ZYG11B: variants seen among roughly 807,000 people sequenced by gnomAD.
ZYG11B encodes protein zyg-11 homolog B.
Under a neutral mutation model 82.4 loss-of-function variants are expected in ZYG11B, and 36 were observed. The observed-to-expected ratio is 0.44, with a 90% CI of 0.33 to 0.58. ZYG11B has a LOEUF of 0.58. ZYG11B is among the 20% of genes least tolerant of loss of function. The pLI, the probability that ZYG11B is intolerant of heterozygous loss-of-function variation, is 0.02. For synonymous variants in ZYG11B, 303 were observed against 312.8 expected (o/e 0.97, Z 0.33); for missense variants, 552 against 895.6 (o/e 0.62, Z 4.90).
chr1:52,756,850 C>G (rs1184509148), intron 2 of ZYG11B, among the ~76,000 whole-genome samples: 1 of 143,226 alleles, frequency 7.0e-6, no homozygotes, highest in East Asian at 2.0e-4. Flanking sequence ...CAGGGTCTCA[C>G]TCTGTTACCC....
At chr1:52,777,127 T>C (rs1644816970) in intron 3 of ZYG11B, among the ~76,000 whole-genome samples, 1 of 152,096 alleles carries the variant, frequency 6.6e-6, no homozygotes, top group Non-Finnish European at 1.5e-5. Flanking sequence ...TGACAATTGC[T>C]TGAACCCGGG....
At chr1:52,806,182 G>A (rs1345851559) in intron 10 of ZYG11B, among the ~76,000 whole-genome samples, 1 of 152,122 alleles carries the variant, frequency 6.6e-6, no homozygotes, top group Non-Finnish European at 1.5e-5. Flanking sequence ...GAATGGCCAA[G>A]GATATGGTCT....
intron 1 of ZYG11B, among the ~76,000 whole-genome samples, chr1:52,750,274 T>C (rs969884820): frequency 1.4e-4 from 4 of 28,218 alleles, no homozygotes; most frequent in Non-Finnish European, 2.0e-4. Flanking sequence ...CCAGCAACTA[T>C]TTTTTTTTTT....
intron 1 of ZYG11B, among the ~76,000 whole-genome samples, chr1:52,741,276 GCAAAAGAGTGAGACTTCGTCT>G (rs1291581992): frequency 2.4e-5 from 3 of 124,438 alleles, no homozygotes; most frequent in Non-Finnish European, 4.7e-5. Context: ...CCAGCCTGGG[GCAAAAGAGTGAGACTTCGTCT>G]CAAAAAAAAA....
intron 2 of ZYG11B, among the ~76,000 whole-genome samples, chr1:52,757,397 C>T (rs769932344): frequency 5.3e-5 from 8 of 151,512 alleles, no homozygotes; most frequent in Admixed American, 2.6e-4. Context: ...TACATCGGGC[C>T]GGGCGTGGTG....
In ZYG11B at chr1:52,756,726, A is replaced by G. The variant is rs973734898; in HGVS notation, c.196+103A>G. ...AATTATTTTCTTAGAAATAACTGAG[A>G]AGGCCAAATGAGCCTGATTCCAGGA... is the stretch of plus-strand genomic sequence containing the variant. On this transcript the variant is annotated intron_variant, in intron 2 of 13. Coordinates refer to ENST00000294353, the MANE Select transcript of ZYG11B (RefSeq NM_024646.3). 4 of 1,139,148 alleles carry G rather than the reference A, an allele frequency of 3.5e-6. No homozygotes were observed. In the African/African-American group the frequency reaches 4.7e-5, roughly 13 times the overall value. 70.6% of individuals were successfully genotyped at this position (1,139,148 alleles called of 1,614,324 possible). A position where few individuals can be genotyped will look rare whatever the true frequency, so the allele number is the denominator to read the frequency against.
intron 1 of ZYG11B, among the ~76,000 whole-genome samples, chr1:52,730,385 G>A (rs1172721179): frequency 3.9e-5 from 6 of 151,930 alleles, no homozygotes; most frequent in East Asian, 3.9e-4. Context: ...GGAGTGCAGC[G>A]GCGTGATTAC....
intron 4 of ZYG11B, among the ~76,000 whole-genome samples, chr1:52,783,051 C>T (rs1200404539): frequency 3.9e-5 from 6 of 151,900 alleles, no homozygotes; most frequent in Non-Finnish European, 5.9e-5. Context: ...CTCAGCCTCC[C>T]GAGTAGCTGA....
At chr1:52,816,386 CAAAG>C (rs1237976375) in intron 12 of ZYG11B, 142 bp from the exon 13 acceptor site, 20 of 615,134 alleles carry the variant, frequency 3.3e-5, no homozygotes, top group African/African-American at 9.4e-5. Context: ...ATGGTTAAGA[CAAAG>C]AAATGATATT....
intron 1 of ZYG11B, among the ~76,000 whole-genome samples, chr1:52,742,380 A>AC (rs1346646199): frequency 1.3e-5 from 2 of 152,008 alleles, no homozygotes; most frequent in Admixed American, 1.3e-4. Flanking sequence ...TGAGCCTGGG[A>AC]AGTCGAGGCT....
intron 2 of ZYG11B, among the ~76,000 whole-genome samples, chr1:52,764,159 C>T (rs1264221969): frequency 1.3e-5 from 2 of 152,024 alleles, no homozygotes; most frequent in African/African-American, 4.8e-5. Flanking sequence ...GAGTCTTGCT[C>T]TGTTGCCAGA....
At chr1:52,776,229 A>AAAAATATAT in intron 3 of ZYG11B, among the ~76,000 whole-genome samples, 650 of 23,574 alleles carry the variant, frequency 0.028, 58 homozygotes, top group East Asian at 0.044. Context: ...TAAAAAAAAA[A>AAAAATATAT]ATATATATAT....
At chr1:52,794,248 A>G (rs1403125801) in intron 6 of ZYG11B, among the ~76,000 whole-genome samples, 2 of 152,158 alleles carry the variant, frequency 1.3e-5, no homozygotes, top group Non-Finnish European at 2.9e-5. Flanking sequence ...TGCTGGGATT[A>G]CAGGCGTGAG....
intron 10 of ZYG11B, among the ~76,000 whole-genome samples, chr1:52,809,483 G>A (rs563312990): frequency 6.6e-5 from 10 of 151,992 alleles, no homozygotes; most frequent in Non-Finnish European, 1.0e-4. Context: ...CACCGCGCCC[G>A]GCCACAAATA....
chr1:52,741,131 C>G (rs556472416), intron 1 of ZYG11B, among the ~76,000 whole-genome samples: 62 of 151,420 alleles, frequency 4.1e-4, no homozygotes, highest in Non-Finnish European at 7.8e-4. Context: ...AACCCCATCT[C>G]TACTAAAAAT....
chr1:52,812,603 C>G (rs540387140), intron 10 of ZYG11B, among the ~76,000 whole-genome samples: 6 of 151,992 alleles, frequency 3.9e-5, no homozygotes, highest in African/African-American at 1.4e-4. Flanking sequence ...TGGGGTTTCT[C>G]CATGTTGGCC....
At chr1:52,739,931 G>T (rs1558117000) in intron 1 of ZYG11B, among the ~76,000 whole-genome samples, 2 of 152,248 alleles carry the variant, frequency 1.3e-5, no homozygotes, top group Admixed American at 1.3e-4. Context: ...TTTCATGGAT[G>T]TCCCATTTAT....
rs192069853 is a variant in ZYG11B, at chr1:52,810,092, A to G, written c.1696-3444A>G. Among the ~76,000 whole-genome samples, 8 of 152,240 alleles carry G rather than the reference A, an allele frequency of 5.3e-5. No homozygotes were observed. In the East Asian group the frequency reaches 1.5e-3, roughly 29 times the overall value. On this transcript the variant is annotated intron_variant, in intron 10 of 13. Transcript: ENST00000294353. ...TAACTTACTTTTAAACATTTTGATCACTTTGATCACTTGCTTTTTATGATT... is the reference window on the plus strand; with the variant it reads ...TAACTTACTTTTAAACATTTTGATCGCTTTGATCACTTGCTTTTTATGATT...
intron 1 of ZYG11B, among the ~76,000 whole-genome samples, chr1:52,735,365 G>A (rs930101399): frequency 6.6e-6 from 1 of 152,136 alleles, no homozygotes; most frequent in Admixed American, 6.6e-5. Context: ...AGAACAATAT[G>A]TCTTCAGCAC....
Sources: allele counts gnomAD v4.1 joint callset (sites outside exome capture counted in the v4.1 genomes callset), GRCh38; gene constraint gnomAD v4.1.1; transcripts MANE v1.5; gene names NCBI Gene and HGNC (gene_info 2026-07-23, HGNC 2026-07-21).